Variants in OR4E2 observed in about 807,000 individuals in gnomAD.
OR4E2 encodes the protein olfactory receptor family 4 subfamily E member 2.
In OR4E2, 9 loss-of-function variants were observed where a neutral mutation model predicts 11.0. The ratio of observed to expected loss-of-function variants is 0.82; its 90% CI spans 0.49 to 1.43. The LOEUF (loss-of-function observed/expected upper bound fraction) is 1.43. Among genes scored for constraint, OR4E2 ranks in the 40% most tolerant of loss-of-function variants. The probability of loss-of-function intolerance (pLI) is 0.00; values close to 1 mark genes in which losing one functional copy is unlikely to be tolerated. For missense variants in OR4E2, 441 were observed against 382.0 expected, an observed-to-expected ratio of 1.15 and a Z score of -1.29; for synonymous variants, 159 against 147.3, an observed-to-expected ratio of 1.08 and a Z score of -0.57.
intron 3 of OR4E2, among the ~76,000 whole-genome samples, chr14:21,661,449 G>A (rs1162993638): frequency 2.0e-5 from 3 of 151,772 alleles, no homozygotes; most frequent in Admixed American, 2.0e-4. Context: ...TTCAAGGTTC[G>A]TAATATACTC....
At chr14:21,656,162 AAAAC>A (rs1489401157) in intron 1 of OR4E2, among the ~76,000 whole-genome samples, 2 of 141,834 alleles carry the variant, frequency 1.4e-5, no homozygotes, top group African/African-American at 2.6e-5. Flanking sequence ...GAAACACAAC[AAAAC>A]AAACAACCAA....
chr14:21,654,447 GCACA>G (rs374926097), intron 1 of OR4E2, among the ~76,000 whole-genome samples: 2 of 148,930 alleles, frequency 1.3e-5, no homozygotes, highest in East Asian at 3.9e-4. Flanking sequence ...ACACATGCAT[GCACA>G]CACACACAGA....
chr14:21,657,832 C>A (rs1405833539), intron 2 of OR4E2, among the ~76,000 whole-genome samples: 1 of 152,030 alleles, frequency 6.6e-6, no homozygotes, highest in Non-Finnish European at 1.5e-5. Flanking sequence ...TCAGGTGATC[C>A]ACCCCCTCGG....
At position 21,656,536 on chromosome 14, in the gene OR4E2, A is replaced by G. The variant is rs776052106; in HGVS notation, c.-156A>G. The G allele has an allele frequency of 2.0e-5, 3 of 152,250 alleles. No individual in the cohort carries two copies. Among genetic ancestry groups the G allele is most frequent in the Non-Finnish European group, 2.9e-5 (2 of 68,042 alleles). The allele number at this position is 152,250 out of a possible 1,614,324, so 9.4% of individuals were successfully genotyped here. ...TGAGAAAAGTGAATGAAATAACATT[A>G]TAGTAACTTTATAACAATTAGCTAA... On this transcript the variant is annotated 5_prime_UTR_variant, in exon 2 of 4. Transcript: ENST00000641524.
intron 1 of OR4E2, among the ~76,000 whole-genome samples, chr14:21,655,960 A>T (rs1222110516): frequency 6.6e-6 from 1 of 151,144 alleles, no homozygotes; most frequent in African/African-American, 2.5e-5. Context: ...AAAAAGGATT[A>T]AAAAAAACCA....
At chr14:21,657,513 TTG>T (rs1298749675) in intron 2 of OR4E2, among the ~76,000 whole-genome samples, 25 of 106,650 alleles carry the variant, frequency 2.3e-4, no homozygotes, top group African/African-American at 8.0e-4. Context: ...CCTTCTTTCT[TTG>T]TTTTTCTTTC....
At position 21,665,274 on chromosome 14, in the gene OR4E2, C is replaced by A. The variant is rs372849449; in HGVS notation, c.192C>A (p.Ser64Arg). 6 of 1,614,098 alleles carry A rather than the reference C, an allele frequency of 3.7e-6. No homozygotes were observed. The highest frequency in any genetic ancestry group is 5.1e-6 in the Non-Finnish European group (6 of 1,179,970). Residue 64 changes from serine to arginine, a missense_variant, in exon 4 of 4, where the codon AGC becomes AGA. By Grantham distance (110) the Ser-to-Arg change is moderately radical. Transcript: ENST00000641524. ...SLHTPMYFFL[S>R]NLSFIDICHS... is the part of the protein sequence containing the mutation. ...ATACCCCCATGTATTTCTTCCTGAG[C>A]AATCTGTCCTTTATTGACATCTGCC...
chr14:21,656,648 G>A (rs1046472527), intron 2 of OR4E2, 59 bp downstream of exon 2: 3 of 152,180 alleles, frequency 2.0e-5, no homozygotes, highest in African/African-American at 7.2e-5. Flanking sequence ...GCACATGTAT[G>A]CTCATATGTA....
chr14:21,655,687 A>G (rs926287883), intron 1 of OR4E2, among the ~76,000 whole-genome samples: 1 of 152,184 alleles, frequency 6.6e-6, no homozygotes, highest in South Asian at 2.1e-4. Context: ...AAAAGTTTTA[A>G]AAATTTTCTT....
chr14:21,666,151 C>G lies in OR4E2; in HGVS notation c.*127C>G, dbSNP rs1310791892. 2 of 637,286 alleles carry G rather than the reference C, an allele frequency of 3.1e-6. No individual in the cohort carries two copies. Among genetic ancestry groups the G allele is most frequent in the Non-Finnish European group, 5.5e-6 (2 of 365,526 alleles). 39.5% of individuals were successfully genotyped at this position (637,286 alleles called of 1,614,324 possible). On this transcript the variant is annotated 3_prime_UTR_variant, in exon 4 of 4. Coordinates refer to ENST00000641524, the MANE Select transcript of OR4E2 (RefSeq NM_001001912.3). Reference sequence around the variant, plus strand: ...TGGCATAGAGCAGGTCAGATTTCTGCTCATTAAAGATAAGAACTTATTCTG... The same window carrying G: ...TGGCATAGAGCAGGTCAGATTTCTGGTCATTAAAGATAAGAACTTATTCTG...
chr14:21,654,398 G>A lies in OR4E2; in HGVS notation c.-191+459G>A, dbSNP rs567254481. Among the ~76,000 whole-genome samples, 216 of 141,848 alleles carry A rather than the reference G, an allele frequency of 1.5e-3. 2 individuals are homozygous for A. Among genetic ancestry groups the A allele is most frequent in the African/African-American group, 4.1e-3 (156 of 38,034 alleles). 93.1% of individuals were successfully genotyped at this position (141,848 alleles called of 152,430 possible). A position where few individuals can be genotyped will look rare whatever the true frequency, so the allele number is the denominator to read the frequency against. On this transcript the variant is annotated intron_variant, in intron 1 of 3. Transcript: ENST00000641524. ...CACACACGCATGCACACACACACAC[G>A]CATGCACACACACACATGCACACAC...
chr14:21,656,976 G>A (rs1879984198), intron 2 of OR4E2, among the ~76,000 whole-genome samples: 1 of 152,098 alleles, frequency 6.6e-6, no homozygotes, highest in Non-Finnish European at 1.5e-5. Flanking sequence ...GGTTGTAAGG[G>A]ATCAAGACCA....
intron 1 of OR4E2, among the ~76,000 whole-genome samples, chr14:21,654,531 G>T (rs546445085): frequency 6.6e-6 from 1 of 152,056 alleles, no homozygotes; most frequent in South Asian, 2.1e-4. Context: ...GGGAGGATTG[G>T]TTTCCAGGAT....
At position 21,666,058 on chromosome 14, in the gene OR4E2, C is replaced by G; in HGVS notation, c.*34C>G. 1 of 1,469,098 alleles carries G rather than the reference C, an allele frequency of 6.8e-7. No homozygotes were observed. The highest frequency in any genetic ancestry group is 1.4e-5 in the African/African-American group (1 of 71,228). The allele number at this position is 1,469,098 out of a possible 1,614,324, so 91.0% of individuals were successfully genotyped here. A position where few individuals can be genotyped will look rare whatever the true frequency, so the allele number is the denominator to read the frequency against. The stretch of plus-strand genomic sequence containing the variant: ...GGGATTGCAGACATAATTGCAGCCA[C>G]ATCCTTAATGAAAGAGCAAAAGTAA... On this transcript the variant is annotated 3_prime_UTR_variant, in exon 4 of 4. Transcript: ENST00000641524.
At chr14:21,655,953 A>G (rs568229063) in intron 1 of OR4E2, among the ~76,000 whole-genome samples, 46 of 152,092 alleles carry the variant, frequency 3.0e-4, no homozygotes, top group African/African-American at 9.9e-4. Flanking sequence ...AGAAAAGAAA[A>G]AGGATTAAAA....
rs571838756 is a variant in OR4E2, at chr14:21,666,824, TG to T, written c.*803del. ...CTCCTGCCTCAGCCTCCTGAATAGCTGGGACTATAGGTGCATGCCATCATGC... is the reference window on the plus strand; with the variant it reads ...CTCCTGCCTCAGCCTCCTGAATAGCTGGACTATAGGTGCATGCCATCATGC... On this transcript the variant is annotated 3_prime_UTR_variant, in exon 4 of 4. Transcript: ENST00000641524. The T allele has an allele frequency of 4.5e-4, 69 of 152,024 alleles. No homozygotes were observed. Among genetic ancestry groups the T allele is most frequent in the African/African-American group, 1.3e-3 (52 of 41,504 alleles). The allele number at this position is 152,024 out of a possible 1,614,324, so 9.4% of individuals were successfully genotyped here. A position where few individuals can be genotyped will look rare whatever the true frequency, so the allele number is the denominator to read the frequency against.
At chr14:21,662,873 A>G (rs1880412098) in intron 3 of OR4E2, among the ~76,000 whole-genome samples, 2 of 152,190 alleles carry the variant, frequency 1.3e-5, no homozygotes, top group South Asian at 4.1e-4. Context: ...AAATAATTGG[A>G]TCAAGAATAT....
chr14:21,655,549 T>A (rs1879893472), intron 1 of OR4E2, among the ~76,000 whole-genome samples: 1 of 152,090 alleles, frequency 6.6e-6, no homozygotes, highest in South Asian at 2.1e-4. Flanking sequence ...GGCATGTGCT[T>A]GTAGTCCCAG....
At chr14:21,658,535 A>G (rs1019618607) in intron 2 of OR4E2, among the ~76,000 whole-genome samples, 2 of 152,192 alleles carry the variant, frequency 1.3e-5, no homozygotes, top group African/African-American at 4.8e-5. Flanking sequence ...GTGCTGAAAG[A>G]GAGATCAGGT....
Sources: gnomAD v4.1 joint callset for allele counts (sites outside exome capture counted in the v4.1 genomes callset) on GRCh38, gnomAD v4.1.1 for gene constraint, MANE v1.5 for transcripts, NCBI Gene and HGNC (gene_info 2026-07-23, HGNC 2026-07-21) for gene names.